CTIF: variants seen among roughly 807,000 people sequenced by gnomAD.
The protein encoded by CTIF is CBP80/20-dependent translation initiation factor.
Under a neutral mutation model 66.0 loss-of-function variants are expected in CTIF, and 21 were observed. The ratio of observed to expected loss-of-function variants is 0.32; its 90% CI spans 0.23 to 0.46. The LOEUF (loss-of-function observed/expected upper bound fraction) is 0.46, where lower values mean the gene tolerates loss of function less well. CTIF is among the 20% of genes least tolerant of loss of function. The pLI, the probability that CTIF is intolerant of heterozygous loss-of-function variation, is 1.00. For synonymous variants in CTIF, 345 were observed against 326.4 expected (o/e 1.06, Z -0.62); for missense variants, 739 against 812.7 (o/e 0.91, Z 1.10).
intron 9 of CTIF, among the ~76,000 whole-genome samples, chr18:48,768,346 A>C (rs577643096): frequency 6.6e-6 from 1 of 152,278 alleles, no homozygotes; most frequent in East Asian, 1.9e-4. Context: ...GATGCTCAGG[A>C]AATGGCTGTG....
chr18:48,634,383 T>G (rs1425570508), intron 2 of CTIF, among the ~76,000 whole-genome samples: 1 of 152,182 alleles, frequency 6.6e-6, no homozygotes, highest in African/African-American at 2.4e-5. Context: ...GGGGAAATAC[T>G]TTGAGACTGC....
In CTIF at chr18:48,754,311, C is replaced by G. The variant is rs538842298; in HGVS notation, c.585-3608C>G. 2.0e-5 allele frequency among the ~76,000 whole-genome samples: 3 copies of G among 152,340 alleles called. No homozygotes were observed. In the East Asian group the frequency reaches 5.8e-4, roughly 29 times the overall value. On this transcript the variant is annotated intron_variant, in intron 7 of 11. Coordinates refer to ENST00000256413, the MANE Select transcript of CTIF (RefSeq NM_014772.3). Reference sequence around the variant, plus strand: ...CAAGGTGCTGTGATTAGTTGACAGGCTTAGCTCACTCCTGGAGCCCCTGGC... The same window carrying G: ...CAAGGTGCTGTGATTAGTTGACAGGGTTAGCTCACTCCTGGAGCCCCTGGC...
chr18:48,648,468 AAC>A (rs150332855), intron 3 of CTIF, among the ~76,000 whole-genome samples: 22 of 148,492 alleles, frequency 1.5e-4, no homozygotes, highest in Admixed American at 2.7e-4. Flanking sequence ...CTTCGTTCTG[AAC>A]ACACACACAC....
chr18:48,781,338 T>C (rs1396515060), intron 9 of CTIF, among the ~76,000 whole-genome samples: 1 of 152,094 alleles, frequency 6.6e-6, no homozygotes, highest in Non-Finnish European at 1.5e-5. Context: ...GGCGACTGTC[T>C]GATTAGCAGA....
At chr18:48,727,137 G>C (rs2092393592) in intron 7 of CTIF, among the ~76,000 whole-genome samples, 1 of 151,910 alleles carries the variant, frequency 6.6e-6, no homozygotes, top group South Asian at 2.1e-4. Context: ...GACAGGCATA[G>C]GGTAACAGCC....
At chr18:48,687,266 A>AT (rs1299915262) in intron 6 of CTIF, among the ~76,000 whole-genome samples, 3 of 149,722 alleles carry the variant, frequency 2.0e-5, no homozygotes, top group African/African-American at 7.4e-5. Context: ...CAGTACATAG[A>AT]TTTTTTTCTT....
At chr18:48,647,625 C>T (rs1322226778) in intron 3 of CTIF, among the ~76,000 whole-genome samples, 1 of 152,210 alleles carries the variant, frequency 6.6e-6, no homozygotes, top group Admixed American at 6.5e-5. Context: ...GTGTAATTTA[C>T]AAAATACAAA....
Position 48,655,124 on chromosome 18 carries a change from TA to T in CTIF, c.253-8623del, listed in dbSNP as rs545359545. On this transcript the variant is annotated intron_variant, in intron 3 of 11. Transcript: ENST00000256413. ...GTACCCTAGAACTTAAAGTATAATT[TA>T]AAAATAATAATAATAATAAAAATAC... is the stretch of plus-strand genomic sequence containing the variant. Among the ~76,000 whole-genome samples, 516 of 151,240 alleles carry T rather than the reference TA, an allele frequency of 3.4e-3. 1 individual carries two copies. Among genetic ancestry groups the T allele is most frequent in the African/African-American group, 0.012 (500 of 41,200 alleles).
chr18:48,768,001 G>T (rs57886394), intron 9 of CTIF, among the ~76,000 whole-genome samples: 2,183 of 152,134 alleles, frequency 0.014, 47 homozygotes, highest in African/African-American at 0.05. Context: ...CCTCATCCTG[G>T]ATGTGTGTGT....
rs1376061276 is a variant in CTIF, at chr18:48,761,954, TTTC to T, written c.1371+267_1371+269del. On this transcript the variant is annotated intron_variant, in intron 9 of 11. Coordinates refer to ENST00000256413, the MANE Select transcript of CTIF (RefSeq NM_014772.3). The surrounding 1 kb of genome is among the most constrained non-coding windows in gnomAD (Gnocchi z 4.2). ...TTTATGTTTAACCAGCCTTTCCCAC[TTTC>T]TATTTTCATAAGAGGCTGGCTCTTG... Among the ~76,000 whole-genome samples the T allele has an allele frequency of 2.0e-5, 3 of 152,224 alleles. No homozygotes were observed. The highest frequency in any genetic ancestry group is 6.5e-5 in the Admixed American group (1 of 15,282).
intron 9 of CTIF, 66 bp from the exon 10 acceptor site, chr18:48,817,155 A>G: frequency 3.3e-6 from 5 of 1,519,248 alleles, no homozygotes; most frequent in Non-Finnish European, 4.5e-6. Context: ...TGCTCTGCAC[A>G]GCAGGGTGGC....
intron 6 of CTIF, among the ~76,000 whole-genome samples, chr18:48,703,901 G>A (rs1213080553): frequency 1.3e-5 from 2 of 152,210 alleles, no homozygotes; most frequent in Admixed American, 1.3e-4. Context: ...GGTCATCTCT[G>A]GGGTTACAGC....
intron 3 of CTIF, 47 bp from the exon 4 acceptor site, chr18:48,663,705 C>T: frequency 6.4e-7 from 1 of 1,572,780 alleles, no homozygotes; most frequent in Non-Finnish European, 8.8e-7. Flanking sequence ...TTCTCAGCAT[C>T]CTGGCCGAGC....
At chr18:48,819,626 C>T (rs908173968) in intron 10 of CTIF, among the ~76,000 whole-genome samples, 2 of 152,218 alleles carry the variant, frequency 1.3e-5, no homozygotes, top group African/African-American at 2.4e-5. Context: ...CCACGCCTAA[C>T]GCACACTTGT....
chr18:48,827,756 C>T (rs974070239), intron 10 of CTIF, among the ~76,000 whole-genome samples: 3 of 152,108 alleles, frequency 2.0e-5, no homozygotes, highest in Non-Finnish European at 4.4e-5. Flanking sequence ...CTATGAATAC[C>T]CCAGCTTAAG....
intron 9 of CTIF, among the ~76,000 whole-genome samples, chr18:48,814,508 CA>C (rs1490977661): frequency 6.6e-6 from 1 of 152,186 alleles, no homozygotes; most frequent in Non-Finnish European, 1.5e-5. Context: ...TGGCCTTAGT[CA>C]TGTCTTTTAA....
intron 2 of CTIF, among the ~76,000 whole-genome samples, chr18:48,628,378 A>C (rs1482199308): frequency 6.6e-6 from 1 of 152,100 alleles, no homozygotes; most frequent in African/African-American, 2.4e-5. Context: ...TTGACTTAAG[A>C]AGTTGGGGAG....
At chr18:48,727,105 C>CACACAT (rs60723343) in intron 7 of CTIF, among the ~76,000 whole-genome samples, 1 of 150,504 alleles carries the variant, frequency 6.6e-6, no homozygotes, top group African/African-American at 2.4e-5. Context: ...CACACACACA[C>CACACAT]GTAGCCAACA....
intron 1 of CTIF, among the ~76,000 whole-genome samples, chr18:48,604,387 C>T (rs982666712): frequency 6.7e-6 from 1 of 149,354 alleles, no homozygotes; most frequent in Non-Finnish European, 1.5e-5. Flanking sequence ...ACAGTGTTAG[C>T]CAGGATGGTC....
Sources: allele counts gnomAD v4.1 joint callset (sites outside exome capture counted in the v4.1 genomes callset), GRCh38; gene constraint gnomAD v4.1.1; non-coding constraint Gnocchi (gnomAD v3.1); transcripts MANE v1.5; gene names NCBI Gene and HGNC (gene_info 2026-07-23, HGNC 2026-07-21).